Variants in UCHL5 observed in about 807,000 individuals in gnomAD.
UCHL5 encodes the protein ubiquitin carboxyl-terminal hydrolase isozyme L5.
In UCHL5, 34 loss-of-function variants were observed where a neutral mutation model predicts 53.8. That is an observed-to-expected ratio of 0.63 (90% confidence interval 0.48 to 0.84). The LOEUF (loss-of-function observed/expected upper bound fraction) is 0.84, where lower values mean the gene tolerates loss of function less well. UCHL5 is among the 40% of genes least tolerant of loss of function. The pLI is 0.00. For missense variants in UCHL5, 290 were observed against 385.6 expected, an observed-to-expected ratio of 0.75 and a Z score of 2.08; for synonymous variants, 111 against 126.3, an observed-to-expected ratio of 0.88 and a Z score of 0.81.
chr1:193,059,739 C>T, upstream of UCHL5: 3 of 1,353,810 alleles, frequency 2.2e-6, no homozygotes, highest in Admixed American at 2.0e-5. The surrounding 1 kb of genome is among the most constrained non-coding windows in gnomAD (Gnocchi z 4.9). Context: ...CTTCTCCTGG[C>T]GGCGCTGCGG....
In UCHL5 at chr1:193,051,828, A is replaced by G; in HGVS notation, c.77-11T>C. On this transcript the variant is annotated splice_polypyrimidine_tract_variant and intron_variant, in intron 1 of 10. Transcript: ENST00000367454. ...GGGCTCCTCGGCAACCTGAAATAAT[A>G]AATTATTTTCTTCAGTAAACAGGAT... 6.3e-7 allele frequency: 1 copy of G among 1,581,116 alleles called. No individual in the cohort carries two copies.
At position 193,014,759 on chromosome 1, in the gene UCHL5, G is replaced by A. The variant is rs1033230517; in HGVS notation, c.*1592C>T. The A allele has an allele frequency of 3.9e-5, 6 of 151,968 alleles. No individual in the cohort carries two copies. Among genetic ancestry groups the A allele is most frequent in the Admixed American group, 2.0e-4 (3 of 15,230 alleles). The allele number at this position is 151,968 out of a possible 1,614,324, so 9.4% of individuals were successfully genotyped here. ...GTCGAAATCAAGTGATCATATAAAC[G>A]TTGATCTGTTTTCAGGCTCTCTCTT... On this transcript the variant is annotated 3_prime_UTR_variant, in exon 11 of 11. Transcript: ENST00000367454.
upstream of UCHL5, chr1:193,059,970 G>A: frequency 7.3e-7 from 1 of 1,366,410 alleles, no homozygotes; most frequent in Middle Eastern, 2.1e-4. This position sits in a 1 kb window ranked among gnomAD's most constrained non-coding sequence, Gnocchi z 4.9. Flanking sequence ...TCGCGGTAGG[G>A]ACATCCTCGC....
intron 3 of UCHL5, among the ~76,000 whole-genome samples, chr1:193,030,776 C>G (rs1661085704): frequency 1.3e-5 from 2 of 151,850 alleles, no homozygotes; most frequent in African/African-American, 4.8e-5. Context: ...AATTATTTTC[C>G]TTCTTTAATT....
chr1:193,029,020 A>G (rs1021656842), intron 6 of UCHL5, among the ~76,000 whole-genome samples, 159 bp downstream of exon 6: 3 of 152,198 alleles, frequency 2.0e-5, no homozygotes, highest in Non-Finnish European at 4.4e-5. Flanking sequence ...TCCTTCCTAT[A>G]TATTAATATA....
chr1:193,018,803 TC>T, intron 10 of UCHL5: 1 of 1,561,430 alleles, frequency 6.4e-7, no homozygotes, highest in African/African-American at 1.3e-5. Flanking sequence ...CACACCTTGT[TC>T]TTTTATCCTA....
chr1:193,026,541 T>A (rs565023028), intron 7 of UCHL5, among the ~76,000 whole-genome samples: 127 of 152,096 alleles, frequency 8.3e-4, no homozygotes, highest in Admixed American at 1.6e-3. Context: ...AAAACCACAA[T>A]GAAGTATCAC....
intron 1 of UCHL5, among the ~76,000 whole-genome samples, chr1:193,055,766 G>A (rs1670437891): frequency 6.6e-6 from 1 of 152,148 alleles, no homozygotes. Flanking sequence ...TTCACTTAAT[G>A]AATTACTAAA....
intron 3 of UCHL5, among the ~76,000 whole-genome samples, chr1:193,036,238 C>T (rs920602513): frequency 8.3e-6 from 1 of 120,064 alleles, no homozygotes; most frequent in Admixed American, 1.1e-4. Context: ...ATGGTGGGTA[C>T]AAATAACCCA....
At position 193,052,958 on chromosome 1, in the gene UCHL5, T is replaced by C. The variant is rs191461892; in HGVS notation, c.77-1141A>G. Among the ~76,000 whole-genome samples, 106 of 152,118 alleles carry C rather than the reference T, an allele frequency of 7.0e-4. 1 individual carries two copies. Among genetic ancestry groups the C allele is most frequent in the South Asian group, 6.0e-3 (29 of 4,818 alleles). On this transcript the variant is annotated intron_variant, in intron 1 of 10. Transcript: ENST00000367454. ...CCTTTAGACTACTGCAAAAAAACAG[T>C]GGTTAAAAAAGAAAAAAAAGTTGGG...
intron 7 of UCHL5, among the ~76,000 whole-genome samples, chr1:193,024,401 A>G (rs1158196639): frequency 1.3e-5 from 2 of 151,612 alleles, no homozygotes; most frequent in African/African-American, 2.4e-5. Flanking sequence ...CCCTACCTTT[A>G]TAAGAAATAT....
At chr1:193,047,988 TACAA>T (rs1667882753) in intron 3 of UCHL5, among the ~76,000 whole-genome samples, 2 of 63,912 alleles carry the variant, frequency 3.1e-5, no homozygotes, top group Admixed American at 3.0e-4. Context: ...GACCTTGGAG[TACAA>T]GTCTCAAGTC....
intron 1 of UCHL5, among the ~76,000 whole-genome samples, chr1:193,053,150 C>G (rs1028853049): frequency 6.6e-6 from 1 of 152,070 alleles, no homozygotes; most frequent in South Asian, 2.1e-4. Flanking sequence ...TATCTAGCAA[C>G]AGATTAAGAA....
intron 10 of UCHL5, chr1:193,020,037 C>CT: frequency 1.0e-6 from 1 of 984,870 alleles, no homozygotes; most frequent in Non-Finnish European, 1.2e-6. Flanking sequence ...TAATCTAAAA[C>CT]TTTAAAAACA....
At chr1:193,032,482 C>G (rs1661796451) in intron 3 of UCHL5, among the ~76,000 whole-genome samples, 2 of 152,130 alleles carry the variant, frequency 1.3e-5, no homozygotes, top group Non-Finnish European at 2.9e-5. Flanking sequence ...GACTTCATGA[C>G]TAAAACACCA....
chr1:193,026,540 A>G (rs1360675891), intron 7 of UCHL5, among the ~76,000 whole-genome samples: 1 of 152,214 alleles, frequency 6.6e-6, no homozygotes, highest in Non-Finnish European at 1.5e-5. Flanking sequence ...TAAAACCACA[A>G]TGAAGTATCA....
chr1:193,042,163 C>T (rs1665797170), intron 3 of UCHL5, among the ~76,000 whole-genome samples: 1 of 150,948 alleles, frequency 6.6e-6, no homozygotes. Flanking sequence ...TACTTTTTAT[C>T]AAGTTAAAAT....
At chr1:193,031,639 G>T (rs2102495048) in intron 3 of UCHL5, among the ~76,000 whole-genome samples, 1 of 152,214 alleles carries the variant, frequency 6.6e-6, no homozygotes, top group Non-Finnish European at 1.5e-5. Flanking sequence ...AAAAACAAAA[G>T]AAAATTTAAA....
At chr1:193,036,840 C>G (rs1446875330) in intron 3 of UCHL5, among the ~76,000 whole-genome samples, 1 of 151,384 alleles carries the variant, frequency 6.6e-6, no homozygotes, top group African/African-American at 2.4e-5. Context: ...AACTAGAAAT[C>G]AATAATAGAA....
Sources: gnomAD v4.1 joint callset for allele counts (sites outside exome capture counted in the v4.1 genomes callset) on GRCh38, gnomAD v4.1.1 for gene constraint, Gnocchi (gnomAD v3.1) non-coding constraint, MANE v1.5 for transcripts, NCBI Gene and HGNC (gene_info 2026-07-23, HGNC 2026-07-21) for gene names.